Variants in SLC43A2 observed in about 807,000 individuals in gnomAD.
SLC43A2 encodes the protein solute carrier family 43 member 2.
SLC43A2 carries 38 observed loss-of-function variants against 63.2 expected under a neutral mutation model. The ratio of observed to expected loss-of-function variants is 0.60; its 90% CI spans 0.46 to 0.79. The LOEUF is 0.79. SLC43A2 is among the 30% of genes least tolerant of loss of function. SLC43A2 has a pLI of 0.00. For synonymous variants in SLC43A2, 322 were observed against 331.0 expected (o/e 0.97, Z 0.30); for missense variants, 644 against 756.2 (o/e 0.85, Z 1.74).
At position 1,572,986 on chromosome 17, in the gene SLC43A2, A is replaced by C. The variant is rs1246007329; in HGVS notation, c.*2618T>G. 6.6e-6 allele frequency: 1 copy of C among 152,112 alleles called. No individual in the cohort carries two copies. The highest frequency in any genetic ancestry group is 6.6e-5 in the Admixed American group (1 of 15,252). The allele number at this position is 152,112 out of a possible 1,614,324, so 9.4% of individuals were successfully genotyped here. On this transcript the variant is annotated 3_prime_UTR_variant, in exon 14 of 14. Transcript: ENST00000301335. ...CCAGGAGTTCCAGACCAGCCTGGGC[A>C]AAATAGCAAGAATTCATCTTTATGA...
At chr17:1,623,827 T>C (rs1278144431) in intron 2 of SLC43A2, among the ~76,000 whole-genome samples, 1 of 146,906 alleles carries the variant, frequency 6.8e-6, no homozygotes, top group Non-Finnish European at 1.5e-5. Flanking sequence ...TGTACCCTCC[T>C]CTCCTCCAGG....
chr17:1,587,078 A>ACTGCG, intron 9 of SLC43A2: 2 of 313,372 alleles, frequency 6.4e-6, no homozygotes, highest in Non-Finnish European at 9.3e-6. Flanking sequence ...CACGCACTGC[A>ACTGCG]TTTCCCACAC....
intron 2 of SLC43A2, 42 bp from the exon 3 acceptor site, chr17:1,616,811 C>T (rs377401872): frequency 5.0e-6 from 8 of 1,601,986 alleles, no homozygotes; most frequent in South Asian, 4.4e-5. Context: ...AGGGTCATGA[C>T]AGGGATTCCC....
At chr17:1,626,159 G>A (rs935223413) in intron 2 of SLC43A2, among the ~76,000 whole-genome samples, 1 of 144,704 alleles carries the variant, frequency 6.9e-6, no homozygotes, top group African/African-American at 2.5e-5. Context: ...TGGGGACGAT[G>A]ACTTTTTTTC....
chr17:1,588,015 G>A (rs763510752), intron 9 of SLC43A2, among the ~76,000 whole-genome samples: 1 of 152,234 alleles, frequency 6.6e-6, no homozygotes, highest in Non-Finnish European at 1.5e-5. Context: ...CACACCCTGA[G>A]GGTGGGTGGG....
Position 1,575,550 on chromosome 17 carries a change from AGG to A in SLC43A2, c.*52_*53del. 1 of 1,610,532 alleles carries A rather than the reference AGG, an allele frequency of 6.2e-7. No homozygotes were observed. The highest frequency in any genetic ancestry group is 8.5e-7 in the Non-Finnish European group (1 of 1,176,978). On this transcript the variant is annotated 3_prime_UTR_variant, in exon 14 of 14. Coordinates refer to ENST00000301335, the MANE Select transcript of SLC43A2 (RefSeq NM_152346.3). ...GTGGGGTACTCTGGAGGGGCAGGAC[AGG>A]GGTCAGTCACTGAAGCACAGGCAGG...
chr17:1,617,975 G>A (rs913866635), intron 2 of SLC43A2, among the ~76,000 whole-genome samples: 1 of 152,224 alleles, frequency 6.6e-6, no homozygotes, highest in African/African-American at 2.4e-5. Context: ...AACAGGAGCC[G>A]ACTTTGATTA....
chr17:1,591,729 G>GGT lies in SLC43A2; in HGVS notation c.595-31_595-30insAC, dbSNP rs1567622497. The GGT allele has an allele frequency of 2.5e-5, 21 of 854,688 alleles. 2 individuals carry two copies. Among genetic ancestry groups the GGT allele is most frequent in the South Asian group, 2.9e-5 (2 of 69,312 alleles). 52.9% of individuals were successfully genotyped at this position (854,688 alleles called of 1,614,324 possible). A position where few individuals can be genotyped will look rare whatever the true frequency, so the allele number is the denominator to read the frequency against. On this transcript the variant is annotated intron_variant, in intron 6 of 13. Coordinates refer to ENST00000301335, the MANE Select transcript of SLC43A2 (RefSeq NM_152346.3). Reference sequence around the variant, plus strand: ...CAGGCACCGCGGGGACGGGGTGGGGGGGGGAGGGGGCAGAGTTAGCCCGGG... The same window carrying GGT: ...CAGGCACCGCGGGGACGGGGTGGGGGGTGGGGAGGGGGCAGAGTTAGCCCGGG...
At chr17:1,576,920 A>G (rs1174849072) in intron 12 of SLC43A2, among the ~76,000 whole-genome samples, 200 bp from the exon 13 acceptor site, 1 of 150,164 alleles carries the variant, frequency 6.7e-6, no homozygotes, top group East Asian at 2.0e-4. Flanking sequence ...GCTGGAGTGC[A>G]ATGACACGAT....
chr17:1,599,381 G>A (rs1447594005), intron 5 of SLC43A2, among the ~76,000 whole-genome samples: 1 of 151,778 alleles, frequency 6.6e-6, no homozygotes, highest in Non-Finnish European at 1.5e-5. Context: ...AATGTTTGGA[G>A]CAAAGTATAA....
rs377401872 is a variant in SLC43A2 at position 1,616,811 on chromosome 17, C to A, written c.161-42G>T. The A allele has an allele frequency of 6.4e-4, 1,026 of 1,601,986 alleles. 7 individuals are homozygous for A. The Middle Eastern group carries it at 0.011, about 18-fold the overall frequency. On this transcript the variant is annotated intron_variant, in intron 2 of 13. Coordinates refer to ENST00000301335, the MANE Select transcript of SLC43A2 (RefSeq NM_152346.3). ...GGAAACCCTGACCTCAGGGTCATGACAGGGATTCCCAAAGATCAGAAGGGC... is the reference window on the plus strand; with the variant it reads ...GGAAACCCTGACCTCAGGGTCATGAAAGGGATTCCCAAAGATCAGAAGGGC...
chr17:1,618,666 C>T (rs762806454), intron 2 of SLC43A2, among the ~76,000 whole-genome samples: 11 of 152,212 alleles, frequency 7.2e-5, no homozygotes, highest in South Asian at 2.1e-4. Flanking sequence ...AGGTCTTGGC[C>T]TACAATAGCT....
At position 1,578,328 on chromosome 17, in the gene SLC43A2, G is replaced by T; in HGVS notation, c.1351-5C>A. ...GTGCAGGATGAAGGAGAGGATCTGG[G>T]GGAGGAAAAGGCGACTGTGGGCATA... On this transcript the variant is annotated splice_polypyrimidine_tract_variant and splice_region_variant and intron_variant, in intron 11 of 13. Coordinates refer to ENST00000301335, the MANE Select transcript of SLC43A2 (RefSeq NM_152346.3). The surrounding 1 kb of genome is among the most constrained non-coding windows in gnomAD (Gnocchi z 6.5). 1 of 1,613,650 alleles carries T rather than the reference G, an allele frequency of 6.2e-7. No homozygotes were observed. The highest frequency in any genetic ancestry group is 8.5e-7 in the Non-Finnish European group (1 of 1,179,856).
At chr17:1,607,723 T>C (rs1906743561) in intron 5 of SLC43A2, among the ~76,000 whole-genome samples, 2 of 149,404 alleles carry the variant, frequency 1.3e-5, no homozygotes, top group South Asian at 4.2e-4. Flanking sequence ...ACAATAGACT[T>C]TTTTTTTTTT....
Position 1,575,879 on chromosome 17 carries a change from C to T in SLC43A2, c.1549-114G>A, listed in dbSNP as rs563917297. On this transcript the variant is annotated intron_variant, in intron 13 of 13. Coordinates refer to ENST00000301335, the MANE Select transcript of SLC43A2 (RefSeq NM_152346.3). Reference sequence around the variant, plus strand: ...GAAGGTCACGGGGTGGAAGGGGGAACGAAACAGGAAGGCCCACGAGGTCCC... The same window carrying T: ...GAAGGTCACGGGGTGGAAGGGGGAATGAAACAGGAAGGCCCACGAGGTCCC... 2.2e-4 allele frequency: 273 copies of T among 1,236,102 alleles called. 5 individuals carry two copies. In the South Asian group the frequency reaches 3.8e-3, roughly 17 times the overall value. The allele number at this position is 1,236,102 out of a possible 1,614,324, so 76.6% of individuals were successfully genotyped here.
chr17:1,585,722 T>C, intron 10 of SLC43A2, 191 bp downstream of exon 10: 2 of 1,534,994 alleles, frequency 1.3e-6, no homozygotes, highest in Non-Finnish European at 1.7e-6. Flanking sequence ...TTCCAAACAA[T>C]TTCCATAAAG....
chr17:1,595,890 G>T (rs1346143198), intron 5 of SLC43A2, among the ~76,000 whole-genome samples: 1 of 152,178 alleles, frequency 6.6e-6, no homozygotes, highest in African/African-American at 2.4e-5. Flanking sequence ...CAAATTAACT[G>T]TTACTGAGCG....
chr17:1,599,165 C>T (rs1163619513), intron 5 of SLC43A2, among the ~76,000 whole-genome samples: 1 of 151,726 alleles, frequency 6.6e-6, no homozygotes, highest in Non-Finnish European at 1.5e-5. Flanking sequence ...ATGGTGAAAC[C>T]CCATCTCTAT....
Position 1,605,010 on chromosome 17 carries a change from C to T in SLC43A2, c.501+8185G>A. The T allele has an allele frequency of 2.1e-6, 3 of 1,432,998 alleles. No homozygotes were observed. Among genetic ancestry groups the T allele is most frequent in the Non-Finnish European group, 2.7e-6 (3 of 1,094,744 alleles). 88.8% of individuals were successfully genotyped at this position (1,432,998 alleles called of 1,614,324 possible). On this transcript the variant is annotated intron_variant, in intron 5 of 13. Transcript: ENST00000301335. The surrounding 1 kb of genome is among the most constrained non-coding windows in gnomAD (Gnocchi z 4.9). ...GAGGGCTGGCGGAGGGGAAGGACCC[C>T]AGGAGGGGAAGGACCAGCTTTGCTG...
Sources: allele counts gnomAD v4.1 joint callset (sites outside exome capture counted in the v4.1 genomes callset), GRCh38; gene constraint gnomAD v4.1.1; non-coding constraint Gnocchi (gnomAD v3.1); transcripts MANE v1.5; gene names NCBI Gene and HGNC (gene_info 2026-07-23, HGNC 2026-07-21).